The following NUMB variants were observed in gnomAD, a reference collection of about 807,000 sequenced individuals.
The protein encoded by NUMB is protein numb homolog.
Under a neutral mutation model 59.7 loss-of-function variants are expected in NUMB, and 29 were observed. The observed-to-expected ratio is 0.49, with a 90% CI of 0.36 to 0.66. The LOEUF (loss-of-function observed/expected upper bound fraction) is 0.66. Ranked by LOEUF, NUMB falls within the 30% of genes least tolerant of loss-of-function variation. NUMB has a pLI of 0.00. For missense variants in NUMB, 723 were observed against 822.0 expected, an observed-to-expected ratio of 0.88 and a Z score of 1.47; for synonymous variants, 288 against 288.2, an observed-to-expected ratio of 1.00 and a Z score of 0.01.
intron 2 of NUMB, among the ~76,000 whole-genome samples, chr14:73,374,310 T>C (rs1324124734): frequency 1.3e-5 from 2 of 152,204 alleles, no homozygotes; most frequent in Non-Finnish European, 2.9e-5. Context: ...TGTGAGCTAC[T>C]GCGCCTGGCC....
chr14:73,396,849 G>A (rs1035748998), intron 2 of NUMB, among the ~76,000 whole-genome samples: 1 of 152,112 alleles, frequency 6.6e-6, no homozygotes, highest in African/African-American at 2.4e-5. Context: ...AGCAGCTGGC[G>A]CAGTGGCTCA....
intron 4 of NUMB, among the ~76,000 whole-genome samples, chr14:73,352,477 C>CAT (rs1170959840): frequency 1.0e-3 from 13 of 12,690 alleles, no homozygotes; most frequent in Non-Finnish European, 1.8e-3. Context: ...CACACACACA[C>CAT]ATATATATAT....
intron 12 of NUMB, 95 bp from the exon 13 acceptor site, chr14:73,277,388 C>G (rs1340470304): frequency 1.0e-6 from 1 of 969,412 alleles, no homozygotes; most frequent in Non-Finnish European, 1.5e-6. Flanking sequence ...ACATGTACAA[C>G]ATGTCCCCCC....
intron 4 of NUMB, among the ~76,000 whole-genome samples, chr14:73,352,780 G>A (rs190094513): frequency 6.8e-6 from 1 of 147,462 alleles, no homozygotes; most frequent in Non-Finnish European, 1.5e-5. Context: ...CTGACCTCGT[G>A]ATCTGCCCGC....
chr14:73,448,547 T>C (rs7149990), intron 1 of NUMB, among the ~76,000 whole-genome samples: 1 of 152,030 alleles, frequency 6.6e-6, no homozygotes, highest in Non-Finnish European at 1.5e-5. Context: ...CAAATCCTTA[T>C]CTAAGGAAGA....
At chr14:73,377,924 G>A (rs1327165171) in intron 2 of NUMB, among the ~76,000 whole-genome samples, 3 of 151,810 alleles carry the variant, frequency 2.0e-5, no homozygotes, top group Admixed American at 6.6e-5. Context: ...CTGAGATTGC[G>A]CCACTGCCAC....
intron 2 of NUMB, among the ~76,000 whole-genome samples, chr14:73,408,163 C>A (rs1244941021): frequency 6.6e-6 from 1 of 151,508 alleles, no homozygotes; most frequent in African/African-American, 2.4e-5. Flanking sequence ...GGAGGCAGAA[C>A]TTGCAGTGAG....
chr14:73,299,643 G>A (rs534586856), intron 6 of NUMB, among the ~76,000 whole-genome samples: 5 of 150,862 alleles, frequency 3.3e-5, no homozygotes, highest in Admixed American at 6.7e-5. Context: ...ATCTCCTAGC[G>A]GTTCTGTTTC....
intron 3 of NUMB, among the ~76,000 whole-genome samples, chr14:73,362,846 C>A (rs926025078): frequency 6.6e-6 from 1 of 152,104 alleles, no homozygotes; most frequent in Non-Finnish European, 1.5e-5. Flanking sequence ...GGAGAAAAGG[C>A]CACTGGAAAG....
intron 2 of NUMB, among the ~76,000 whole-genome samples, chr14:73,370,750 T>C (rs188260693): frequency 6.8e-4 from 104 of 152,320 alleles, no homozygotes; most frequent in African/African-American, 2.3e-3. Context: ...TTGAAATTTT[T>C]CTGCATGATC....
chr14:73,316,852 C>T (rs1367037965), intron 5 of NUMB, among the ~76,000 whole-genome samples: 1 of 152,100 alleles, frequency 6.6e-6, no homozygotes, highest in East Asian at 1.9e-4. Flanking sequence ...TTAAAATTGG[C>T]GGTCAACTAT....
At chr14:73,365,376 A>G (rs867697323) in intron 3 of NUMB, among the ~76,000 whole-genome samples, 57 of 152,344 alleles carry the variant, frequency 3.7e-4, no homozygotes, top group African/African-American at 1.3e-3. Context: ...GAGAAAGCGA[A>G]TTTACTGAAA....
intron 1 of NUMB, among the ~76,000 whole-genome samples, chr14:73,426,867 A>G (rs111372812): frequency 1.5e-4 from 23 of 151,950 alleles, no homozygotes; most frequent in African/African-American, 5.3e-4. Flanking sequence ...CAAAAAAATT[A>G]GCCAGGCATG....
At chr14:73,395,037 T>TTGTGTGTG (rs3028731) in intron 2 of NUMB, among the ~76,000 whole-genome samples, 5,833 of 119,606 alleles carry the variant, frequency 0.049, 289 homozygotes, top group Non-Finnish European at 0.062. Context: ...ATTCGTGTGT[T>TTGTGTGTG]TGTGTGTGTG....
intron 7 of NUMB, among the ~76,000 whole-genome samples, chr14:73,295,217 T>C (rs977051578): frequency 2.0e-5 from 3 of 152,120 alleles, no homozygotes; most frequent in African/African-American, 7.2e-5. Flanking sequence ...GTGCAGATCA[T>C]GGCATGGTGT....
At chr14:73,359,561 T>C (rs570842613) in intron 3 of NUMB, among the ~76,000 whole-genome samples, 8 of 152,346 alleles carry the variant, frequency 5.3e-5, no homozygotes, top group South Asian at 2.1e-4. Context: ...AAGGGCAGAA[T>C]TGCTGAGGAT....
intron 2 of NUMB, among the ~76,000 whole-genome samples, chr14:73,408,783 T>A (rs6574119): frequency 0.77 from 117,069 of 151,238 alleles, 45,744 homozygotes; most frequent in African/African-American, 0.88. Flanking sequence ...AGGCTGAAGC[T>A]GGAGAATCAC....
At chr14:73,397,332 C>T (rs1305958593) in intron 2 of NUMB, among the ~76,000 whole-genome samples, 1 of 152,058 alleles carries the variant, frequency 6.6e-6, no homozygotes, top group Non-Finnish European at 1.5e-5. Context: ...AAATGAAGAT[C>T]TATATTCATT....
intron 6 of NUMB, among the ~76,000 whole-genome samples, chr14:73,301,857 G>A (rs1890146660): frequency 6.6e-6 from 1 of 152,162 alleles, no homozygotes; most frequent in Middle Eastern, 3.2e-3. Context: ...AAGGCAGGTG[G>A]ATCGCTTGAG....
Sources: gnomAD v4.1 joint callset for allele counts (sites outside exome capture counted in the v4.1 genomes callset) on GRCh38, gnomAD v4.1.1 for gene constraint, MANE v1.5 for transcripts, NCBI Gene and HGNC (gene_info 2026-07-23, HGNC 2026-07-21) for gene names.